THSD7A: variants seen among roughly 807,000 people sequenced by gnomAD.
The protein encoded by THSD7A is thrombospondin type 1 domain containing 7A, also known as thrombospondin type-1 domain-containing protein 7A.
Under a neutral mutation model 231.3 loss-of-function variants are expected in THSD7A, and 96 were observed. The observed-to-expected ratio is 0.41, with a 90% CI of 0.35 to 0.49. THSD7A has a LOEUF of 0.49. THSD7A is among the 20% of genes least tolerant of loss of function. The probability of loss-of-function intolerance (pLI) is 0.05; values close to 1 mark genes in which losing one functional copy is unlikely to be tolerated. For synonymous variants in THSD7A, 940 were observed against 743.3 expected (o/e 1.26, Z -4.30); for missense variants, 2,290 against 2,070.2 (o/e 1.11, Z -2.06).
intron 1 of THSD7A, among the ~76,000 whole-genome samples, chr7:11,663,143 TAAC>T (rs1782994400): frequency 6.6e-6 from 1 of 151,332 alleles, no homozygotes; most frequent in Non-Finnish European, 1.5e-5. Flanking sequence ...ATCTAATTGA[TAAC>T]TACTAATATA....
At position 11,831,091 on chromosome 7, in the gene THSD7A, A is replaced by G. The variant is rs1368397954; in HGVS notation, c.190+666T>C. 6.6e-6 allele frequency among the ~76,000 whole-genome samples: 1 copy of G among 152,226 alleles called. No homozygotes were observed. Among genetic ancestry groups the G allele is most frequent in the Non-Finnish European group, 1.5e-5 (1 of 68,034 alleles). On this transcript the variant is annotated intron_variant, in intron 1 of 27. Transcript: ENST00000423059. This position sits in a 1 kb window ranked among gnomAD's most constrained non-coding sequence, Gnocchi z 5.0. ...TGCCAATGGGTAATGATGGGCAGTT[A>G]GTAGCTGCTTTTGTTGGGTGGTTGA...
chr7:11,636,516 G>T lies in THSD7A; in HGVS notation c.636C>A (p.Ser212Arg), dbSNP rs760448242. 6.2e-7 allele frequency: 1 copy of T among 1,613,838 alleles called. No homozygotes were observed. Among genetic ancestry groups the T allele is most frequent in the South Asian group, 1.1e-5 (1 of 91,070 alleles). ...CATGACGCGTCCGGTGCTGGAGCCC[G>T]CTGCCGCAGGTCTTGGAGCATTCGG... is the stretch of plus-strand genomic sequence containing the variant. ...AWSECSKTCG[S>R]GLQHRTRHVV... is the part of the protein sequence containing the mutation. The change falls in exon 2 of 28, where the codon AGC becomes AGA. Residue 212 changes from serine to arginine, a missense_variant. Physicochemically the swap from Ser to Arg is moderately radical, Grantham distance 110. Coordinates refer to ENST00000423059, the MANE Select transcript of THSD7A (RefSeq NM_015204.3). This position sits in a 1 kb window ranked among gnomAD's most constrained non-coding sequence, Gnocchi z 10.0.
At chr7:11,710,644 C>T (rs753089223) in intron 1 of THSD7A, among the ~76,000 whole-genome samples, 4 of 150,670 alleles carry the variant, frequency 2.7e-5, no homozygotes, top group Middle Eastern at 3.2e-3. Context: ...ACCTACTTCT[C>T]GGGAAAGCAT....
chr7:11,492,052 T>C (rs2051795), intron 6 of THSD7A, among the ~76,000 whole-genome samples: 118,413 of 151,940 alleles, frequency 0.78, 46,192 homozygotes, highest in South Asian at 0.84. Flanking sequence ...CTAATGATTC[T>C]CTGTGGTTCT....
chr7:11,810,579 TA>T (rs1418926504), intron 1 of THSD7A, among the ~76,000 whole-genome samples: 1 of 152,186 alleles, frequency 6.6e-6, no homozygotes, highest in African/African-American at 2.4e-5. Flanking sequence ...GTTATATTTG[TA>T]ATAGATCAAA....
intron 1 of THSD7A, among the ~76,000 whole-genome samples, chr7:11,768,489 C>A (rs951234454): frequency 6.6e-6 from 1 of 152,152 alleles, no homozygotes; most frequent in Admixed American, 6.5e-5. Flanking sequence ...AGTCATGAGA[C>A]TGAAAGCCTC....
At chr7:11,668,976 T>C (rs997526416) in intron 1 of THSD7A, among the ~76,000 whole-genome samples, 1 of 152,154 alleles carries the variant, frequency 6.6e-6, no homozygotes, top group Non-Finnish European at 1.5e-5. Flanking sequence ...TCTAGTCGAG[T>C]GTGCTGTTGG....
chr7:11,827,064 T>A (rs1010678637), intron 1 of THSD7A, among the ~76,000 whole-genome samples: 8 of 152,252 alleles, frequency 5.3e-5, no homozygotes, highest in African/African-American at 1.9e-4. Flanking sequence ...AGTACAATGG[T>A]GTAGTCATGG....
chr7:11,480,999 T>A lies in THSD7A; in HGVS notation c.2017+789A>T, dbSNP rs567194726. 5.3e-5 allele frequency among the ~76,000 whole-genome samples: 8 copies of A among 152,318 alleles called. No individual in the cohort carries two copies. In the East Asian group the frequency reaches 1.5e-3, roughly 29 times the overall value. ...TCTTGAGAAAGAACATGCCTTAATA[T>A]GAACAAACTTGATTTACTTTTATGC... is the stretch of plus-strand genomic sequence containing the variant. On this transcript the variant is annotated intron_variant, in intron 7 of 27. Coordinates refer to ENST00000423059, the MANE Select transcript of THSD7A (RefSeq NM_015204.3).
intron 1 of THSD7A, among the ~76,000 whole-genome samples, chr7:11,694,657 C>A (rs925272631): frequency 3.1e-4 from 47 of 151,406 alleles, no homozygotes; most frequent in Non-Finnish European, 2.7e-4. Context: ...CAATTCATAG[C>A]AATCAGAAAA....
At chr7:11,569,232 G>C (rs1318914757) in intron 4 of THSD7A, among the ~76,000 whole-genome samples, 1 of 152,128 alleles carries the variant, frequency 6.6e-6, no homozygotes, top group Non-Finnish European at 1.5e-5. Context: ...ATAATCAACA[G>C]AGTGAAGAGA....
chr7:11,539,508 G>C (rs889525888), intron 6 of THSD7A, among the ~76,000 whole-genome samples: 1 of 152,150 alleles, frequency 6.6e-6, no homozygotes, highest in East Asian at 1.9e-4. Context: ...CATTTGTATT[G>C]TGAGTTATCA....
chr7:11,640,449 A>G (rs936203467), intron 1 of THSD7A, among the ~76,000 whole-genome samples: 1 of 152,192 alleles, frequency 6.6e-6, no homozygotes, highest in Non-Finnish European at 1.5e-5. Context: ...ACACAAGCAG[A>G]TACTAGTGAC....
intron 1 of THSD7A, among the ~76,000 whole-genome samples, chr7:11,702,056 C>T (rs1780621380): frequency 6.6e-6 from 1 of 151,228 alleles, no homozygotes; most frequent in Non-Finnish European, 1.5e-5. Context: ...GTGTCTTAGT[C>T]TATCTTCTAC....
chr7:11,542,449 A>C (rs946699522), intron 5 of THSD7A, among the ~76,000 whole-genome samples: 1 of 152,222 alleles, frequency 6.6e-6, no homozygotes, highest in Non-Finnish European at 1.5e-5. Flanking sequence ...TATCATTTGC[A>C]TATGAAAGTA....
intron 1 of THSD7A, among the ~76,000 whole-genome samples, chr7:11,781,124 T>C (rs2128174678): frequency 6.7e-6 from 1 of 148,812 alleles, no homozygotes; most frequent in South Asian, 2.2e-4. Context: ...GTATATGCTG[T>C]GCAAAACACT....
chr7:11,799,372 C>G (rs1327377209), intron 1 of THSD7A, among the ~76,000 whole-genome samples: 2 of 152,116 alleles, frequency 1.3e-5, no homozygotes, highest in Non-Finnish European at 2.9e-5. Flanking sequence ...TTTGTAATGA[C>G]TTAATATGTA....
intron 6 of THSD7A, among the ~76,000 whole-genome samples, chr7:11,515,884 G>T (rs574044437): frequency 6.6e-6 from 1 of 152,268 alleles, no homozygotes; most frequent in Admixed American, 6.5e-5. Flanking sequence ...TAAGTGAGTT[G>T]TGACTTCATA....
chr7:11,812,416 T>A (rs539879031), intron 1 of THSD7A, among the ~76,000 whole-genome samples: 32 of 152,086 alleles, frequency 2.1e-4, no homozygotes, highest in Non-Finnish European at 4.0e-4. Context: ...CATGAAACAA[T>A]ATGGGAATAT....
Sources: gnomAD v4.1 joint callset for allele counts (sites outside exome capture counted in the v4.1 genomes callset) on GRCh38, gnomAD v4.1.1 for gene constraint, Gnocchi (gnomAD v3.1) non-coding constraint, MANE v1.5 for transcripts, NCBI Gene and HGNC (gene_info 2026-07-23, HGNC 2026-07-21) for gene names.